Variants in MCTP2 observed in about 807,000 individuals in gnomAD.
MCTP2 encodes the protein multiple C2 and transmembrane domain containing 2.
Under a neutral mutation model 111.6 loss-of-function variants are expected in MCTP2, and 132 were observed. The ratio of observed to expected loss-of-function variants is 1.18; its 90% CI spans 1.03 to 1.37. The LOEUF (loss-of-function observed/expected upper bound fraction) is 1.37. Ranked by LOEUF, MCTP2 falls within the 40% of genes most tolerant of loss-of-function variation. The pLI is 0.00. For missense variants in MCTP2, 1,183 were observed against 1,067.9 expected, an observed-to-expected ratio of 1.11 and a Z score of -1.50; for synonymous variants, 395 against 387.7, an observed-to-expected ratio of 1.02 and a Z score of -0.22.
intron 2 of MCTP2, among the ~76,000 whole-genome samples, chr15:94,301,582 A>C (rs563257139): frequency 5.8e-4 from 88 of 152,342 alleles, no homozygotes; most frequent in Non-Finnish European, 1.1e-3. Context: ...TGCGCATAGC[A>C]CATAACGTAT....
chr15:94,243,768 T>C (rs2071363941), intron 1 of MCTP2, among the ~76,000 whole-genome samples: 1 of 147,620 alleles, frequency 6.8e-6, no homozygotes, highest in Non-Finnish European at 1.5e-5. Context: ...TATGTGTATA[T>C]ATTTATGAAC....
At chr15:94,471,418 A>G (rs2073918289) in intron 21 of MCTP2, among the ~76,000 whole-genome samples, 1 of 152,212 alleles carries the variant, frequency 6.6e-6, no homozygotes, top group Admixed American at 6.5e-5. Flanking sequence ...TCTAAAAACC[A>G]TTAAATATAG....
intron 1 of MCTP2, among the ~76,000 whole-genome samples, chr15:94,297,541 G>T (rs1162782268): frequency 6.6e-6 from 1 of 151,990 alleles, no homozygotes; most frequent in Non-Finnish European, 1.5e-5. Flanking sequence ...TAGTCGATAG[G>T]GCCATGTTTT....
rs144888130 is a variant in MCTP2, at chr15:94,409,462, A to G, written c.2085+7443A>G. ...ATAATACTCAAATATGAATATATAT[A>G]TATTCCTATTCCATTAGTTCCATCT... is the stretch of plus-strand genomic sequence containing the variant. On this transcript the variant is annotated intron_variant, in intron 17 of 22. Coordinates refer to ENST00000357742, the MANE Select transcript of MCTP2 (RefSeq NM_001385001.1). Among the ~76,000 whole-genome samples, 1,431 of 152,194 alleles carry G rather than the reference A, an allele frequency of 9.4e-3. 22 individuals are homozygous for G. Among genetic ancestry groups the G allele is most frequent in the African/African-American group, 0.033 (1,357 of 41,512 alleles).
intron 4 of MCTP2, among the ~76,000 whole-genome samples, chr15:94,316,815 G>T (rs2076397492): frequency 6.6e-6 from 1 of 151,982 alleles, no homozygotes; most frequent in African/African-American, 2.4e-5. Flanking sequence ...AGTAGCTGAG[G>T]CCTTTTTATT....
chr15:94,447,727 A>G (rs2084202987), intron 19 of MCTP2, among the ~76,000 whole-genome samples: 1 of 152,218 alleles, frequency 6.6e-6, no homozygotes, highest in Non-Finnish European at 1.5e-5. Flanking sequence ...TTAGATTAGT[A>G]ATTTTTTAAA....
chr15:94,250,965 A>G (rs1156692514), intron 1 of MCTP2, among the ~76,000 whole-genome samples: 1 of 152,248 alleles, frequency 6.6e-6, no homozygotes, highest in Non-Finnish European at 1.5e-5. Context: ...ATACATTGAT[A>G]TCTATACTGA....
intron 12 of MCTP2, among the ~76,000 whole-genome samples, chr15:94,376,913 G>A (rs1195823177): frequency 6.6e-6 from 1 of 152,138 alleles, no homozygotes; most frequent in Non-Finnish European, 1.5e-5. Context: ...AGCTTGGCGT[G>A]TTCATCTTTT....
rs376604062 is a variant in MCTP2 at position 94,458,206 on chromosome 15, G to A, written c.2320G>A (p.Val774Ile). Residue 774 changes from valine to isoleucine, a missense_variant, in exon 20 of 23, where the codon GTC (valine) becomes ATC (isoleucine). Val to Ile is a conservative substitution (Grantham distance 29). Coordinates refer to ENST00000357742, the MANE Select transcript of MCTP2 (RefSeq NM_001385001.1). ...GGATATTGTTTCAACTGTTCAAAAC[G>A]TCTTGGAGGAAATAGCTTCTTTTGG... Reference protein sequence around the residue: ...VQDIVSTVQNVLEEIASFGER... With the variant: ...VQDIVSTVQNILEEIASFGER... The A allele has an allele frequency of 1.9e-5, 31 of 1,611,816 alleles. No individual in the cohort carries two copies. The highest frequency in any genetic ancestry group is 6.7e-5 in the East Asian group (3 of 44,870).
At position 94,339,275 on chromosome 15, in the gene MCTP2, CT is replaced by C; in HGVS notation, c.638-11del. Reference sequence around the variant, plus strand: ...GTATTTTAAAATTCTGTCTTGTTTTCTTTTCCTTTTAAAGGCACAAGTGATC... The same window carrying C: ...GTATTTTAAAATTCTGTCTTGTTTTCTTTCCTTTTAAAGGCACAAGTGATC... On this transcript the variant is annotated splice_polypyrimidine_tract_variant and intron_variant, in intron 4 of 22. Transcript: ENST00000357742. 6.4e-7 allele frequency: 1 copy of C among 1,568,816 alleles called. No homozygotes were observed. The highest frequency in any genetic ancestry group is 8.6e-7 in the Non-Finnish European group (1 of 1,159,886).
intron 4 of MCTP2, among the ~76,000 whole-genome samples, chr15:94,328,343 T>C (rs916196179): frequency 4.6e-5 from 7 of 151,914 alleles, no homozygotes; most frequent in Admixed American, 4.6e-4. Flanking sequence ...TTAGCCAGGA[T>C]GGTCTTGATC....
At chr15:94,266,078 G>GCACA (rs948029092) in intron 1 of MCTP2, among the ~76,000 whole-genome samples, 1 of 58,170 alleles carries the variant, frequency 1.7e-5, no homozygotes, top group African/African-American at 7.9e-5. Flanking sequence ...ATGCGTGTGC[G>GCACA]CGCACACACA....
At chr15:94,278,897 G>A (rs1360607826) in intron 1 of MCTP2, among the ~76,000 whole-genome samples, 6 of 152,098 alleles carry the variant, frequency 3.9e-5, no homozygotes, top group African/African-American at 1.2e-4. Flanking sequence ...ATTGAATAGG[G>A]AGTCCTTTCT....
intron 14 of MCTP2, among the ~76,000 whole-genome samples, chr15:94,395,051 G>A (rs963489280): frequency 9.9e-5 from 15 of 152,116 alleles, no homozygotes; most frequent in African/African-American, 3.6e-4. Context: ...CTCTCTCTAG[G>A]TGCTGTTTGT....
intron 22 of MCTP2, among the ~76,000 whole-genome samples, chr15:94,477,234 G>A (rs2074440774): frequency 6.6e-6 from 1 of 152,090 alleles, no homozygotes. Flanking sequence ...TTATCTCCTA[G>A]GCCTCCCTTC....
intron 17 of MCTP2, 25 bp downstream of exon 17, chr15:94,402,044 A>G: frequency 1.2e-6 from 2 of 1,605,990 alleles, no homozygotes; most frequent in Non-Finnish European, 8.5e-7. Flanking sequence ...TTATGTTCAA[A>G]CTATTTGCTT....
chr15:94,298,472 C>T lies in MCTP2; in HGVS notation c.207C>T (p.Ser69=), dbSNP rs147356828. 4.6e-4 allele frequency: 739 copies of T among 1,614,088 alleles called. 6 individuals carry two copies. In the East Asian group the frequency reaches 0.015, roughly 32 times the overall value. The change falls in exon 2 of 23, where the codon TCC becomes TCT. Residue 69 remains serine, a synonymous_variant. Coordinates refer to ENST00000357742, the MANE Select transcript of MCTP2 (RefSeq NM_001385001.1). ...EALAPEGRPY[S]GPQSSYTSVP... ...TGGCCCCAGAGGGCCGGCCTTACTC[C>T]GGGCCACAGTCTTCCTACACCTCGG...
chr15:94,373,777 T>C lies in MCTP2; in HGVS notation c.1582+3597T>C, dbSNP rs2079608687. On this transcript the variant is annotated intron_variant, in intron 12 of 22. Coordinates refer to ENST00000357742, the MANE Select transcript of MCTP2 (RefSeq NM_001385001.1). The stretch of plus-strand genomic sequence containing the variant: ...TTCTAGTAGAAAAGCCTGTCAAATG[T>C]TTTTTAAAGAATTTGCTTCACAAAT... 3.3e-5 allele frequency among the ~76,000 whole-genome samples: 5 copies of C among 152,198 alleles called. No individual in the cohort carries two copies. The South Asian group carries it at 1.0e-3, about 32-fold the overall frequency.
Position 94,384,054 on chromosome 15 carries a change from G to C in MCTP2, c.1615G>C (p.Gly539Arg). 6.2e-7 allele frequency: 1 copy of C among 1,613,866 alleles called. No individual in the cohort carries two copies. The highest frequency in any genetic ancestry group is 8.5e-7 in the Non-Finnish European group (1 of 1,179,890). The change falls in exon 13 of 23, where the codon GGC becomes CGC. Residue 539 changes from glycine to arginine, a missense_variant. Transcript: ENST00000357742. The stretch of plus-strand genomic sequence containing the variant: ...TGACCCATTTTGCTTGTTGGAGTTA[G>C]GCAATGACCGACTTCAGACGCATAC... ...KSDPFCLLELGNDRLQTHTVY... is the reference protein window; with the variant it reads ...KSDPFCLLELRNDRLQTHTVY...
Sources: gnomAD v4.1 joint callset for allele counts (sites outside exome capture counted in the v4.1 genomes callset) on GRCh38, gnomAD v4.1.1 for gene constraint, MANE v1.5 for transcripts, NCBI Gene and HGNC (gene_info 2026-07-23, HGNC 2026-07-21) for gene names.